Variants in SETD1B observed in about 807,000 individuals in gnomAD.
SETD1B encodes SET domain containing 1B, histone lysine methyltransferase.
In SETD1B, 7 loss-of-function variants were observed where a neutral mutation model predicts 148.0. The ratio of observed to expected loss-of-function variants is 0.05; its 90% CI spans 0.03 to 0.09. The LOEUF is 0.09. Ranked by LOEUF, SETD1B falls within the 10% of genes least tolerant of loss-of-function variation. SETD1B has a pLI of 1.00. For synonymous variants in SETD1B, 1,361 were observed against 1,186.5 expected, an observed-to-expected ratio of 1.15 and a Z score of -3.02; for missense variants, 2,155 against 2,729.9, an observed-to-expected ratio of 0.79 and a Z score of 4.69.
chr12:121,793,713 C>T, the SETD1B span: 42 of 1,282,264 alleles, frequency 3.3e-5, no homozygotes, highest in Non-Finnish European at 4.1e-5. Context: ...GGGGCCGGAA[C>T]CAGCCCCGCC....
the SETD1B span, among the ~76,000 whole-genome samples, chr12:121,796,695 CCTT>C: frequency 6.6e-6 from 1 of 152,228 alleles, no homozygotes; most frequent in Admixed American, 6.5e-5. Context: ...CAAGGCCACT[CCTT>C]GAGTGCTAAA....
chr12:121,825,150 G>C, intron 12 of SETD1B, 50 bp from the exon 13 acceptor site: 1 of 1,536,378 alleles, frequency 6.5e-7, no homozygotes, highest in Non-Finnish European at 8.8e-7. Flanking sequence ...TCTATGAAGG[G>C]ACCAGAAGGG....
At chr12:121,816,963 C>G in intron 7 of SETD1B, 70 bp from the exon 8 acceptor site, 1 of 1,391,004 alleles carries the variant, frequency 7.2e-7, no homozygotes, top group Non-Finnish European at 9.5e-7. Flanking sequence ...GGCAGGTAGC[C>G]TGGGGAGGGC....
chr12:121,819,814 G>A lies in SETD1B; in HGVS notation c.3829G>A (p.Glu1277Lys). The change falls in exon 11 of 17, where the codon GAA (glutamate) becomes AAA (lysine). Residue 1277 changes from glutamate to lysine, a missense_variant. Glu to Lys is a moderately conservative substitution (Grantham distance 56). Coordinates refer to ENST00000604567, the MANE Select transcript of SETD1B (RefSeq NM_001353345.2). Reference sequence around the variant, plus strand: ...GCCTGAGGAACCAGGCCTGAGCCAGGAAGGGGCCATGTTGCTGTCTCCAGA... The same window carrying A: ...GCCTGAGGAACCAGGCCTGAGCCAGAAAGGGGCCATGTTGCTGTCTCCAGA... ...EPPEEPGLSQ[E>K]GAMLLSPEPP... 6.4e-7 allele frequency: 1 copy of A among 1,551,600 alleles called. No homozygotes were observed. Among genetic ancestry groups the A allele is most frequent in the South Asian group, 1.2e-5 (1 of 84,060 alleles).
chr12:121,791,347 A>G, the SETD1B span, among the ~76,000 whole-genome samples: 1 of 152,242 alleles, frequency 6.6e-6, no homozygotes, highest in Non-Finnish European at 1.5e-5. Flanking sequence ...GCTGGTGGAC[A>G]TCATATATTA....
At chr12:121,792,025 T>G in the SETD1B span, among the ~76,000 whole-genome samples, 119,125 of 152,208 alleles carry the variant, frequency 0.78, 47,242 homozygotes, top group East Asian at 0.98. Flanking sequence ...TGTTTTGGGG[T>G]TGGCCCTACA....
At chr12:121,795,451 C>G in the SETD1B span, 1 of 152,272 alleles carries the variant, frequency 6.6e-6, no homozygotes, top group Admixed American at 6.5e-5. Context: ...GGGTGGGTAA[C>G]CCAGCCTGGC....
rs745770856 is a variant in SETD1B, at chr12:121,810,142, G to T, written c.1197G>T (p.Pro399=). Reference sequence around the variant, plus strand: ...CTGGATTCAAGTCTGCTTTCTCTCCGTATCAGACCCCAGTGGCCCACTTCC... The same window carrying T: ...CTGGATTCAAGTCTGCTTTCTCTCCTTATCAGACCCCAGTGGCCCACTTCC... The part of the protein sequence containing the change: ...PAPGFKSAFS[P]YQTPVAHFPP... The change falls in exon 6 of 17, where the codon CCG becomes CCT. Residue 399 remains proline (P), a synonymous_variant. Coordinates refer to ENST00000604567, the MANE Select transcript of SETD1B (RefSeq NM_001353345.2). The surrounding 1 kb of genome is among the most constrained non-coding windows in gnomAD (Gnocchi z 7.6). The T allele has an allele frequency of 1.3e-6, 2 of 1,549,796 alleles. No individual in the cohort carries two copies. The highest frequency in any genetic ancestry group is 1.7e-6 in the Non-Finnish European group (2 of 1,146,876).
chr12:121,813,187 C>G (rs1249960175), intron 6 of SETD1B, among the ~76,000 whole-genome samples: 3 of 152,224 alleles, frequency 2.0e-5, no homozygotes, highest in African/African-American at 7.2e-5. Flanking sequence ...TGGGTCGGAG[C>G]AGAGCCCCCC....
At chr12:121,828,727 C>T (rs1876956535) in intron 16 of SETD1B, among the ~76,000 whole-genome samples, 1 of 152,208 alleles carries the variant, frequency 6.6e-6, no homozygotes, top group Non-Finnish European at 1.5e-5. Flanking sequence ...CAAGTCTTGG[C>T]ATTGCAGCTT....
upstream of SETD1B, chr12:121,802,942 T>C (rs1875465880): frequency 6.6e-6 from 1 of 152,288 alleles, no homozygotes; most frequent in South Asian, 2.1e-4. Context: ...CCTTCGTGTC[T>C]GATGAAGGAT....
intron 16 of SETD1B, 48 bp downstream of exon 16, chr12:121,828,118 C>T: frequency 1.3e-6 from 2 of 1,542,584 alleles, no homozygotes; most frequent in Non-Finnish European, 1.8e-6. Context: ...CTGCCCCTGG[C>T]CCTGCTTCTG....
At chr12:121,815,159 G>GCGT (rs1304637153) in intron 7 of SETD1B, among the ~76,000 whole-genome samples, 4 of 152,200 alleles carry the variant, frequency 2.6e-5, no homozygotes, top group African/African-American at 9.7e-5. Flanking sequence ...AGGCATGGTG[G>GCGT]CGTACACCTT....
At position 121,814,283 on chromosome 12, in the gene SETD1B, C is replaced by T; in HGVS notation, c.2068C>T (p.Leu690=). ...PLPPPPGFPP[L]PPPPPPPPPQ... is the part of the protein sequence containing the mutation. ...GCCCCCGCCACCTGGCTTCCCCCCG[C>T]TGCCCCCCCCACCACCACCACCCCC... Residue 690 remains leucine (L), a synonymous_variant, in exon 7 of 17, where the codon CTG becomes TTG. Coordinates refer to ENST00000604567, the MANE Select transcript of SETD1B (RefSeq NM_001353345.2). 3.0e-6 allele frequency: 4 copies of T among 1,350,588 alleles called. No individual in the cohort carries two copies. Among genetic ancestry groups the T allele is most frequent in the Non-Finnish European group, 3.0e-6 (3 of 1,007,444 alleles). 83.7% of individuals were successfully genotyped at this position (1,350,588 alleles called of 1,614,324 possible). A position where few individuals can be genotyped will look rare whatever the true frequency, so the allele number is the denominator to read the frequency against.
Position 121,814,471 on chromosome 12 carries a change from G to T in SETD1B, c.2256G>T (p.Leu752=), listed in dbSNP as rs1267745418. ...LPPLPPFPPG[L]FPVMQVDMSH... ...CACTGCCCCCCTTTCCGCCGGGCCTGTTCCCTGTGATGCAGGTGGACATGA... is the reference window on the plus strand; with the variant it reads ...CACTGCCCCCCTTTCCGCCGGGCCTTTTCCCTGTGATGCAGGTGGACATGA... Residue 752 remains leucine, a synonymous_variant, in exon 7 of 17, where the codon CTG becomes CTT. Transcript: ENST00000604567. 1.4e-6 allele frequency: 2 copies of T among 1,454,118 alleles called. No individual in the cohort carries two copies. Among genetic ancestry groups the T allele is most frequent in the African/African-American group, 1.5e-5 (1 of 68,950 alleles). The allele number at this position is 1,454,118 out of a possible 1,614,324, so 90.1% of individuals were successfully genotyped here. A position where few individuals can be genotyped will look rare whatever the true frequency, so the allele number is the denominator to read the frequency against.
chr12:121,793,052 C>G, the SETD1B span: 43 of 1,059,016 alleles, frequency 4.1e-5, no homozygotes, highest in African/African-American at 6.4e-4. Context: ...CAAGGCCCTG[C>G]CAAGGCTGCA....
chr12:121,823,644 A>G lies in SETD1B; in HGVS notation c.5065A>G (p.Ile1689Val). 6.4e-7 allele frequency: 1 copy of G among 1,551,582 alleles called. No individual in the cohort carries two copies. Reference sequence around the variant, plus strand: ...CCTGTATGACATCTGGAACGGTGGCATCGATGAGGAGGACATCCGCTTCCT... The same window carrying G: ...CCTGTATGACATCTGGAACGGTGGCGTCGATGAGGAGGACATCCGCTTCCT... ...TILYDIWNGG[I>V]DEEDIRFLCV... The change falls in exon 12 of 17, where the codon ATC (isoleucine) becomes GTC (valine). Residue 1689 changes from isoleucine (I) to valine (V), a missense_variant. Physicochemically the swap from Ile to Val is conservative, Grantham distance 29. Coordinates refer to ENST00000604567, the MANE Select transcript of SETD1B (RefSeq NM_001353345.2).
rs369288771 is a variant in SETD1B at position 121,805,494 on chromosome 12, T to C, written c.273+278T>C. ...AGACTCTCCCCTCTCGCTAGCCCAC[T>C]ACAGGACAACTTCTTAAGCCTGAGG... is the stretch of plus-strand genomic sequence containing the variant. On this transcript the variant is annotated intron_variant, in intron 3 of 16. Transcript: ENST00000604567. The surrounding 1 kb of genome is among the most constrained non-coding windows in gnomAD (Gnocchi z 4.2). Among the ~76,000 whole-genome samples, 1 of 152,034 alleles carries C rather than the reference T, an allele frequency of 6.6e-6. No homozygotes were observed. Among genetic ancestry groups the C allele is most frequent in the African/African-American group, 2.4e-5 (1 of 41,380 alleles).
chr12:121,823,765 G>A lies in SETD1B; in HGVS notation c.5170+16G>A. 1 of 1,532,882 alleles carries A rather than the reference G, an allele frequency of 6.5e-7. No individual in the cohort carries two copies. The allele number at this position is 1,532,882 out of a possible 1,614,324, so 95.0% of individuals were successfully genotyped here. A position where few individuals can be genotyped will look rare whatever the true frequency, so the allele number is the denominator to read the frequency against. On this transcript the variant is annotated intron_variant, in intron 12 of 16. Coordinates refer to ENST00000604567, the MANE Select transcript of SETD1B (RefSeq NM_001353345.2). ...TACCATCCCTATATCCTGCTGGCAT[G>A]GGGGGCTCTGCACCTTCTGGGATGC...
Sources: allele counts gnomAD v4.1 joint callset (sites outside exome capture counted in the v4.1 genomes callset), GRCh38; gene constraint gnomAD v4.1.1; non-coding constraint Gnocchi (gnomAD v3.1); transcripts MANE v1.5; gene names NCBI Gene and HGNC (gene_info 2026-07-23, HGNC 2026-07-21).